Variants in HS6ST2 observed in about 807,000 individuals in gnomAD.
HS6ST2 encodes heparan-sulfate 6-O-sulfotransferase 2.
A neutral mutation model predicts 33.0 loss-of-function variants in HS6ST2; 17 were observed. The ratio of observed to expected loss-of-function variants is 0.52; its 90% CI spans 0.35 to 0.77. The LOEUF is 0.77. HS6ST2 is among the 30% of genes least tolerant of loss of function. HS6ST2 has a pLI of 0.01. For synonymous variants in HS6ST2, 248 were observed against 237.1 expected, an observed-to-expected ratio of 1.05 and a Z score of -0.42; for missense variants, 519 against 551.7, an observed-to-expected ratio of 0.94 and a Z score of 0.59.
At chrX:132,927,871 A>G (rs75228282) in intron 2 of HS6ST2, among the ~76,000 whole-genome samples, 2,056 of 109,465 alleles carry the variant, frequency 0.019, 91 homozygotes, top group East Asian at 0.15. Context: ...AAAAAAAAAA[A>G]AAAGAAAAGA....
chrX:132,958,534 G>A lies in HS6ST2; in HGVS notation c.69C>T (p.Val23=). Residue 23 remains valine, a synonymous_variant, in exon 1 of 5, where the codon GTC becomes GTT. Coordinates refer to ENST00000370833, the MANE Select transcript of HS6ST2 (RefSeq NM_001394073.1). ...PPRQPERGAP[V]RTTCPRRHSR... is the part of the protein sequence containing the mutation. ...AATGCCGGCGGGGACAGGTGGTGCG[G>A]ACGGGCGCTCCTCGCTCCGGTTGCC... The A allele has an allele frequency of 8.4e-7, 1 of 1,184,792 alleles. No individual in the cohort carries two copies. Among genetic ancestry groups the A allele is most frequent in the Non-Finnish European group, 1.1e-6 (1 of 882,187 alleles).
chrX:132,883,450 A>G (rs1164762415), intron 2 of HS6ST2, among the ~76,000 whole-genome samples: 1 of 110,892 alleles, frequency 9.0e-6, no homozygotes, highest in East Asian at 2.8e-4. Context: ...GGTAGTTTGT[A>G]TTTCTGTGGA....
At chrX:132,851,195 G>A (rs2065797581) in intron 2 of HS6ST2, among the ~76,000 whole-genome samples, 1 of 111,933 alleles carries the variant, frequency 8.9e-6, no homozygotes, top group Non-Finnish European at 1.9e-5. Flanking sequence ...CCATTAAAGA[G>A]GGGTGGAGAG....
chrX:132,869,105 C>A (rs749458722), intron 2 of HS6ST2, among the ~76,000 whole-genome samples: 1 of 110,885 alleles, frequency 9.0e-6, no homozygotes, highest in Non-Finnish European at 1.9e-5. Flanking sequence ...GATATCATCA[C>A]GGATCCCAAA....
At chrX:132,955,136 CT>C (rs1249999632) in intron 2 of HS6ST2, among the ~76,000 whole-genome samples, 3 of 112,246 alleles carry the variant, frequency 2.7e-5, no homozygotes, top group Non-Finnish European at 3.8e-5. Flanking sequence ...ATTACCACCT[CT>C]CAATACACCT....
chrX:132,885,924 C>A (rs2066246793), intron 2 of HS6ST2, among the ~76,000 whole-genome samples: 1 of 111,925 alleles, frequency 8.9e-6, no homozygotes, highest in Non-Finnish European at 1.9e-5. Context: ...ACCAAACAAA[C>A]AAACAAACAA....
chrX:132,654,238 A>G (rs1034260720), intron 4 of HS6ST2, among the ~76,000 whole-genome samples: 1 of 111,488 alleles, frequency 9.0e-6, no homozygotes, highest in Non-Finnish European at 1.9e-5. Flanking sequence ...ATAGATGTAT[A>G]TTTACCTCCA....
intron 2 of HS6ST2, among the ~76,000 whole-genome samples, chrX:132,757,210 T>C (rs1396779574): frequency 8.9e-6 from 1 of 111,880 alleles, no homozygotes; most frequent in Admixed American, 9.5e-5. Context: ...CACAGGAAGC[T>C]GAGGCTGAAG....
chrX:132,666,844 A>G (rs1357525410), intron 4 of HS6ST2, among the ~76,000 whole-genome samples: 2 of 111,625 alleles, frequency 1.8e-5, no homozygotes, highest in East Asian at 5.6e-4. Flanking sequence ...ATTAGGTCAA[A>G]TAACATCAGA....
In HS6ST2 at chrX:132,795,960, T is replaced by A. The variant is rs764991624; in HGVS notation, c.948-87466A>T. 2.7e-5 allele frequency among the ~76,000 whole-genome samples: 3 copies of A among 111,661 alleles called. No individual in the cohort carries two copies. In the South Asian group the frequency reaches 1.1e-3, roughly 42 times the overall value. On this transcript the variant is annotated intron_variant, in intron 2 of 4. Coordinates refer to ENST00000370833, the MANE Select transcript of HS6ST2 (RefSeq NM_001394073.1). ...TCTGTGACTTCTTAGCTGTATGACC[T>A]TGAACAACTTAATGTTTAAGTCTCA...
chrX:132,839,297 TATATATATATATATATATAC>T (rs57379415), intron 2 of HS6ST2, among the ~76,000 whole-genome samples: 5,280 of 42,730 alleles, frequency 0.12, 395 homozygotes, highest in African/African-American at 0.37. Flanking sequence ...TATATATATA[TATATATATATATATATATAC>T]ACACACATGT....
At chrX:132,724,972 C>T (rs1453547489) in intron 2 of HS6ST2, among the ~76,000 whole-genome samples, 4 of 111,705 alleles carry the variant, frequency 3.6e-5, no homozygotes, top group African/African-American at 1.3e-4. Flanking sequence ...AAACTAGACC[C>T]CTATTTCTTG....
chrX:132,864,873 C>T (rs1423217514), intron 2 of HS6ST2, among the ~76,000 whole-genome samples: 1 of 111,557 alleles, frequency 9.0e-6, no homozygotes, highest in Non-Finnish European at 1.9e-5. Context: ...GGTCGCGTTA[C>T]CCATCAACGG....
intron 2 of HS6ST2, among the ~76,000 whole-genome samples, chrX:132,872,474 A>G (rs2066071520): frequency 8.9e-6 from 1 of 111,777 alleles, no homozygotes; most frequent in African/African-American, 3.3e-5. Context: ...TGACTTACCA[A>G]AGGTCACAGC....
chrX:132,876,712 A>G, intron 2 of HS6ST2, among the ~76,000 whole-genome samples: 1 of 110,640 alleles, frequency 9.0e-6, no homozygotes, highest in Middle Eastern at 4.6e-3. Context: ...CTGCTAAGGA[A>G]TTAGCTCTGG....
intron 2 of HS6ST2, among the ~76,000 whole-genome samples, chrX:132,750,347 GAAAAAAAA>G (rs1156312851): frequency 1.8e-5 from 1 of 56,412 alleles, no homozygotes; most frequent in Non-Finnish European, 3.3e-5. Context: ...TGCCCATCAA[GAAAAAAAA>G]AAAAAAAAAA....
chrX:132,680,876 G>A (rs1034680127), intron 3 of HS6ST2, among the ~76,000 whole-genome samples: 2 of 110,499 alleles, frequency 1.8e-5, no homozygotes, highest in Non-Finnish European at 3.8e-5. Flanking sequence ...GTGGGTGCCT[G>A]TATTCCCAGC....
At chrX:132,663,752 C>A (rs2063790611) in intron 4 of HS6ST2, among the ~76,000 whole-genome samples, 1 of 112,126 alleles carries the variant, frequency 8.9e-6, no homozygotes, top group African/African-American at 3.2e-5. Context: ...TTGAAGAGAA[C>A]ACTCACACAC....
intron 2 of HS6ST2, among the ~76,000 whole-genome samples, chrX:132,885,587 C>G (rs1242919934): frequency 9.0e-6 from 1 of 111,253 alleles, no homozygotes; most frequent in Non-Finnish European, 1.9e-5. Flanking sequence ...ATCATAACAA[C>G]TAAAACTTAC....
Sources: allele counts gnomAD v4.1 joint callset (sites outside exome capture counted in the v4.1 genomes callset), GRCh38; gene constraint gnomAD v4.1.1; transcripts MANE v1.5; gene names NCBI Gene and HGNC (gene_info 2026-07-23, HGNC 2026-07-21).